The following GABRR3 variants were observed in gnomAD, a reference collection of about 807,000 sequenced individuals.
GABRR3 encodes the protein gamma-aminobutyric acid receptor subunit rho-3.
GABRR3 carries 29 observed loss-of-function variants against 43.2 expected under a neutral mutation model. The observed-to-expected ratio is 0.67, with a 90% confidence interval of 0.50 to 0.92. The LOEUF is 0.92. Ranked by LOEUF, GABRR3 falls within the 40% of genes least tolerant of loss-of-function variation. The pLI is 0.00. For missense variants in GABRR3, 576 were observed against 572.3 expected, an observed-to-expected ratio of 1.01 and a Z score of -0.07; for synonymous variants, 206 against 195.9, an observed-to-expected ratio of 1.05 and a Z score of -0.43.
chr3:98,035,189 C>A lies in GABRR3; in HGVS notation c.-3+1G>T. 2 of 566,834 alleles carry A rather than the reference C, an allele frequency of 3.5e-6. No homozygotes were observed. 35.1% of individuals were successfully genotyped at this position (566,834 alleles called of 1,614,324 possible). The stretch of plus-strand genomic sequence containing the variant: ...CACAGCACTTACAGGCAAATATCTA[C>A]CTGGATCTTCAGCAATTTGAGGAAA... On this transcript the variant is annotated splice_donor_variant, in intron 1 of 9. Transcript: ENST00000621172. LOFTEE classifies it low-confidence loss of function (5UTR_SPLICE).
chr3:98,010,232 GCA>G (rs1289420474), intron 5 of GABRR3, among the ~76,000 whole-genome samples: 1 of 152,172 alleles, frequency 6.6e-6, no homozygotes, highest in East Asian at 1.9e-4. Context: ...TAGAAAAGAG[GCA>G]CAGGGCAGAG....
intron 2 of GABRR3, among the ~76,000 whole-genome samples, chr3:98,029,863 C>T (rs556679611): frequency 6.6e-6 from 1 of 152,148 alleles, no homozygotes; most frequent in South Asian, 2.1e-4. Flanking sequence ...CACCTGTAAT[C>T]CCAGCACTTT....
intron 6 of GABRR3, 83 bp from the exon 7 acceptor site, chr3:98,007,987 C>G (rs1386112373): frequency 1.7e-6 from 2 of 1,192,498 alleles, no homozygotes; most frequent in Admixed American, 5.7e-5. Flanking sequence ...TTATGTGGCT[C>G]TGTATCCTTA....
chr3:98,026,802 T>C (rs1707024655), intron 2 of GABRR3, among the ~76,000 whole-genome samples: 1 of 152,170 alleles, frequency 6.6e-6, no homozygotes, highest in African/African-American at 2.4e-5. Flanking sequence ...TAGGTGAACT[T>C]TCTTACACAA....
chr3:98,001,403 A>C lies in GABRR3; in HGVS notation c.907+212T>G, dbSNP rs192871068. Reference sequence around the variant, plus strand: ...CCCAACTGCAGGTCAGTCAGCAAAGACTTCATCCCTAAAATCCGGGTTCCC... The same window carrying C: ...CCCAACTGCAGGTCAGTCAGCAAAGCCTTCATCCCTAAAATCCGGGTTCCC... On this transcript the variant is annotated intron_variant, in intron 8 of 9. Coordinates refer to ENST00000621172, the Ensembl canonical transcript of GABRR3. 387 of 555,744 alleles carry C rather than the reference A, an allele frequency of 7.0e-4. 2 individuals carry two copies. Among genetic ancestry groups the C allele is most frequent in the African/African-American group, 6.9e-3 (367 of 53,258 alleles). The allele number at this position is 555,744 out of a possible 1,614,324, so 34.4% of individuals were successfully genotyped here. A position where few individuals can be genotyped will look rare whatever the true frequency, so the allele number is the denominator to read the frequency against.
At chr3:98,001,624 C>T (rs1008957888) in exon 8 of GABRR3, 2 of 1,613,024 alleles carry the variant, frequency 1.2e-6, no homozygotes, top group Middle Eastern at 3.3e-4. Context: ...CCCAGGGAAA[C>T]TCTTGCAGGA....
At chr3:97,995,743 A>G (rs1167657949) in intron 8 of GABRR3, among the ~76,000 whole-genome samples, 1 of 152,202 alleles carries the variant, frequency 6.6e-6, no homozygotes, top group African/African-American at 2.4e-5. Context: ...TACACTTATT[A>G]TATCTTGCGC....
chr3:98,003,720 C>G (rs1056310128), intron 7 of GABRR3, among the ~76,000 whole-genome samples: 1 of 152,102 alleles, frequency 6.6e-6, no homozygotes, highest in Non-Finnish European at 1.5e-5. Flanking sequence ...CTTTTTGGCA[C>G]CTGTGAAAAG....
chr3:98,016,379 C>A (rs1559779071), intron 4 of GABRR3, among the ~76,000 whole-genome samples: 1 of 152,150 alleles, frequency 6.6e-6, no homozygotes, highest in Non-Finnish European at 1.5e-5. Context: ...CCCCACCCCC[C>A]ATTCCTCCTT....
intron 8 of GABRR3, among the ~76,000 whole-genome samples, chr3:97,996,807 C>A (rs1706567152): frequency 6.6e-6 from 1 of 152,162 alleles, no homozygotes; most frequent in African/African-American, 2.4e-5. Flanking sequence ...ATGAGAATTG[C>A]CTAATCACAG....
At chr3:98,019,861 G>A (rs899927465) in intron 3 of GABRR3, among the ~76,000 whole-genome samples, 2 of 152,118 alleles carry the variant, frequency 1.3e-5, no homozygotes, top group African/African-American at 2.4e-5. Context: ...ACTGCACCTG[G>A]CCAAATTATG....
chr3:98,017,412 GT>G (rs1012929021), intron 4 of GABRR3, among the ~76,000 whole-genome samples: 19 of 152,226 alleles, frequency 1.2e-4, no homozygotes, highest in Admixed American at 5.2e-4. Context: ...ATGTTCTACA[GT>G]GTTCCACCAC....
chr3:97,997,386 T>C (rs1706575555), intron 8 of GABRR3: 1 of 152,142 alleles, frequency 6.6e-6, no homozygotes, highest in Non-Finnish European at 1.5e-5. Flanking sequence ...TCTTGAAAGA[T>C]CAAAATACTG....
chr3:98,003,778 G>T (rs1018258081), intron 7 of GABRR3, among the ~76,000 whole-genome samples: 73 of 152,114 alleles, frequency 4.8e-4, no homozygotes, highest in African/African-American at 1.7e-3. Flanking sequence ...CACCCTAGCT[G>T]CACCCCCTAG....
At chr3:97,989,921 A>C (rs1429317320) in intron 9 of GABRR3, among the ~76,000 whole-genome samples, 2 of 152,148 alleles carry the variant, frequency 1.3e-5, no homozygotes, top group Non-Finnish European at 2.9e-5. Context: ...TGTTATATCC[A>C]TATATCTGGC....
intron 3 of GABRR3, among the ~76,000 whole-genome samples, chr3:98,018,121 T>C (rs1053668133): frequency 6.6e-6 from 1 of 152,006 alleles, no homozygotes; most frequent in African/African-American, 2.4e-5. Flanking sequence ...AGTACAAATA[T>C]GGTAATGGTC....
At position 98,025,635 on chromosome 3, in the gene GABRR3, C is replaced by A. The variant is rs199624921; in HGVS notation, c.170G>T (p.Arg57Leu). 64 of 1,612,508 alleles carry A rather than the reference C, an allele frequency of 4.0e-5. No homozygotes were observed. The African/African-American group carries it at 8.0e-4, about 20-fold the overall frequency. ...GAGAAGTTGCTCATATTTCTGAGGC[C>A]GCGCTTTGGTACTGTCATCTTTCTT... is the stretch of plus-strand genomic sequence containing the variant. The change falls in exon 3 of 10, where the codon CGG becomes CTG. Residue 57 changes from arginine to leucine, a missense_variant. Physicochemically the swap from Arg to Leu is moderately radical, Grantham distance 102. Coordinates refer to ENST00000621172, the Ensembl canonical transcript of GABRR3.
chr3:98,027,687 C>A (rs1707040785), intron 2 of GABRR3, among the ~76,000 whole-genome samples: 1 of 152,274 alleles, frequency 6.6e-6, no homozygotes, highest in African/African-American at 2.4e-5. Flanking sequence ...ATTTTTTATA[C>A]CTTCTATTTC....
intron 2 of GABRR3, among the ~76,000 whole-genome samples, chr3:98,027,529 AT>A (rs1202082872): frequency 5.3e-5 from 8 of 152,372 alleles, no homozygotes; most frequent in Admixed American, 5.2e-4. Context: ...ATAAATCTTA[AT>A]TAAGAATCCC....
Sources: allele counts gnomAD v4.1 joint callset (sites outside exome capture counted in the v4.1 genomes callset), GRCh38; gene constraint gnomAD v4.1.1; transcripts MANE v1.5; gene names NCBI Gene and HGNC (gene_info 2026-07-23, HGNC 2026-07-21).